Variants in ARHGEF17 observed in about 807,000 individuals in gnomAD.
ARHGEF17 encodes the protein 164 kDa Rho-specific guanine-nucleotide exchange factor.
Under a neutral mutation model 174.0 loss-of-function variants are expected in ARHGEF17, and 80 were observed. The observed-to-expected ratio is 0.46, with a 90% CI of 0.38 to 0.55. The LOEUF (loss-of-function observed/expected upper bound fraction) is 0.55, where lower values mean the gene tolerates loss of function less well. ARHGEF17 is among the 20% of genes least tolerant of loss of function. The pLI is 0.00. For missense variants in ARHGEF17, 2,886 were observed against 2,839.7 expected, an observed-to-expected ratio of 1.02 and a Z score of -0.37; for synonymous variants, 1,311 against 1,189.1, an observed-to-expected ratio of 1.10 and a Z score of -2.11.
rs1164278326 is a variant in ARHGEF17, at chr11:73,310,192, A to T, written c.1554A>T (p.Glu518Asp). The change falls in exon 1 of 21, where the codon GAA (glutamate) becomes GAT (aspartate). Residue 518 changes from glutamate (E) to aspartate (D), a missense_variant. By Grantham distance (45) the Glu-to-Asp change is conservative. Coordinates refer to ENST00000263674, the MANE Select transcript of ARHGEF17 (RefSeq NM_014786.4). The part of the protein sequence containing the change: ...PSAGGPVGQL[E>D]PIPIPAPASP... ...CAGGTGGCCCTGTGGGGCAACTTGAACCCATACCCATCCCAGCCCCAGCAT... is the reference window on the plus strand; with the variant it reads ...CAGGTGGCCCTGTGGGGCAACTTGATCCCATACCCATCCCAGCCCCAGCAT... 6.2e-7 allele frequency: 1 copy of T among 1,613,666 alleles called. No homozygotes were observed. The highest frequency in any genetic ancestry group is 1.3e-5 in the African/African-American group (1 of 74,880).
Position 73,367,966 on chromosome 11 carries a change from T to C in ARHGEF17, c.*186T>C. 1.6e-6 allele frequency: 1 copy of C among 620,944 alleles called. No individual in the cohort carries two copies. The highest frequency in any genetic ancestry group is 2.9e-5 in the East Asian group (1 of 34,672). The allele number at this position is 620,944 out of a possible 1,614,324, so 38.5% of individuals were successfully genotyped here. A position where few individuals can be genotyped will look rare whatever the true frequency, so the allele number is the denominator to read the frequency against. ...ACCCACTGGCCAGCCAGGCCATGGC[T>C]TCTCCCGACCCTCTGGCTGCCCCGG... On this transcript the variant is annotated 3_prime_UTR_variant, in exon 21 of 21. Transcript: ENST00000263674.
At chr11:73,315,564 G>T (rs1308262453) in intron 1 of ARHGEF17, among the ~76,000 whole-genome samples, 1 of 152,154 alleles carries the variant, frequency 6.6e-6, no homozygotes, top group Non-Finnish European at 1.5e-5. Context: ...AACTGGTTCT[G>T]GGGGGAAAGG....
At position 73,365,091 on chromosome 11, in the gene ARHGEF17, T is replaced by C. The variant is rs1041220657; in HGVS notation, c.5551-299T>C. 12 of 407,860 alleles carry C rather than the reference T, an allele frequency of 2.9e-5. No homozygotes were observed. Among genetic ancestry groups the C allele is most frequent in the African/African-American group, 2.0e-4 (10 of 49,540 alleles). The allele number at this position is 407,860 out of a possible 1,614,324, so 25.3% of individuals were successfully genotyped here. ...GACTTGCTGTGTGACCTTTCCCTTC[T>C]AGGCTTCAGCTTCCCCACCTGTCCA... On this transcript the variant is annotated intron_variant, in intron 18 of 20. Coordinates refer to ENST00000263674, the MANE Select transcript of ARHGEF17 (RefSeq NM_014786.4). This position sits in a 1 kb window ranked among gnomAD's most constrained non-coding sequence, Gnocchi z 4.9.
intron 9 of ARHGEF17, 74 bp downstream of exon 9, chr11:73,357,401 G>C (rs1865663689): frequency 7.2e-7 from 1 of 1,379,734 alleles, no homozygotes; most frequent in African/African-American, 1.4e-5. Context: ...CTGAGCTCCA[G>C]CCAGTCTGGC....
intron 1 of ARHGEF17, among the ~76,000 whole-genome samples, chr11:73,326,635 G>A (rs190325686): frequency 6.6e-6 from 1 of 152,128 alleles, no homozygotes; most frequent in Non-Finnish European, 1.5e-5. Flanking sequence ...CAGGAGAATC[G>A]CTTGAACCCA....
At chr11:73,362,337 G>A in intron 13 of ARHGEF17, 96 bp from the exon 14 acceptor site, 1 of 1,445,124 alleles carries the variant, frequency 6.9e-7, no homozygotes, top group Non-Finnish European at 9.1e-7. Context: ...GTTGTGGGCG[G>A]GGCCCGGCGA....
In ARHGEF17 at chr11:73,365,987, C is replaced by G; in HGVS notation, c.5995+40C>G. 6.3e-7 allele frequency: 1 copy of G among 1,577,970 alleles called. No homozygotes were observed. Among genetic ancestry groups the G allele is most frequent in the Non-Finnish European group, 8.6e-7 (1 of 1,164,412 alleles). ...CATACCCCAAGCTAGGGATCATGGA[C>G]ATTTGGTTTAGGACTCCCCACTATC... On this transcript the variant is annotated intron_variant, in intron 20 of 20. Transcript: ENST00000263674. The surrounding 1 kb of genome is among the most constrained non-coding windows in gnomAD (Gnocchi z 4.9).
In ARHGEF17 at chr11:73,360,103, G is replaced by A. The variant is rs571401085; in HGVS notation, c.4206+151G>A. On this transcript the variant is annotated intron_variant, in intron 10 of 20. Coordinates refer to ENST00000263674, the MANE Select transcript of ARHGEF17 (RefSeq NM_014786.4). ...AATCGCAGCCTCCCTGCGTATGGGG[G>A]AAGTAACATGTTCCAGGTCTGAGGG... 126 of 911,254 alleles carry A rather than the reference G, an allele frequency of 1.4e-4. 1 individual carries two copies. In the African/African-American group the frequency reaches 2.0e-3, roughly 14 times the overall value. The allele number at this position is 911,254 out of a possible 1,614,324, so 56.4% of individuals were successfully genotyped here.
chr11:73,360,003 A>G, intron 10 of ARHGEF17, 51 bp downstream of exon 10: 1 of 1,485,850 alleles, frequency 6.7e-7, no homozygotes, highest in Non-Finnish European at 9.1e-7. Context: ...GAGGCTTCTG[A>G]CCCTGTCTGA....
chr11:73,329,134 T>C (rs1008740936), intron 1 of ARHGEF17, among the ~76,000 whole-genome samples: 5 of 151,104 alleles, frequency 3.3e-5, no homozygotes, highest in Admixed American at 6.6e-5. Flanking sequence ...TGGCTGCCTA[T>C]TTCCTACCCT....
chr11:73,310,866 G>A lies in ARHGEF17; in HGVS notation c.2228G>A (p.Arg743Gln), dbSNP rs1007441387. The change falls in exon 1 of 21, where the codon CGG (arginine) becomes CAG (glutamine). Residue 743 changes from arginine (R) to glutamine (Q), a missense_variant. Arg to Gln is a conservative substitution (Grantham distance 43). This residue lies in a region of ARHGEF17 where 1,728 missense variants were observed against 1,461.2 expected (regional missense o/e 1.18). Transcript: ENST00000263674. ...AGTGACCCAATTCCTCAGCGCCACC[G>A]GGCTGCCACCTCTGAAGAGCCTACT... ...SLSDPIPQRH[R>Q]AATSEEPTGF... 2.5e-5 allele frequency: 40 copies of A among 1,612,138 alleles called. No homozygotes were observed. Among genetic ancestry groups the A allele is most frequent in the Non-Finnish European group, 3.2e-5 (38 of 1,179,168 alleles).
At chr11:73,333,586 G>C (rs559596285) in intron 1 of ARHGEF17, among the ~76,000 whole-genome samples, 29 of 152,368 alleles carry the variant, frequency 1.9e-4, no homozygotes, top group African/African-American at 4.8e-4. Context: ...GGTGTGATGG[G>C]AGGGGGCTTC....
chr11:73,357,116 G>C lies in ARHGEF17; in HGVS notation c.3983G>C (p.Arg1328Pro). The C allele has an allele frequency of 1.2e-6, 2 of 1,614,148 alleles. No homozygotes were observed. Among genetic ancestry groups the C allele is most frequent in the Non-Finnish European group, 8.5e-7 (1 of 1,180,022 alleles). Residue 1328 changes from arginine (R) to proline (P), a missense_variant, in exon 8 of 21, where the codon CGG becomes CCG. Arg to Pro is a moderately radical substitution (Grantham distance 103). Around this residue, in one of 4 missense-constraint regions of ARHGEF17, gnomAD observed 353 missense variants for 470.3 expected, o/e 0.75. Coordinates refer to ENST00000263674, the MANE Select transcript of ARHGEF17 (RefSeq NM_014786.4). ...CTGAAGCGAAAGTCAGGCTCCCTGC[G>C]GCGCAGCTCCATGAGCCTGTGAGTG... ...TTLKRKSGSL[R>P]RSSMSLYTAA...
In ARHGEF17 at chr11:73,309,027, G is replaced by A. The variant is rs1022568659; in HGVS notation, c.389G>A (p.Arg130His). ...RGAWPSVTEM[R>H]KLFGGPGSRR... ...GCCTGGCCCAGCGTCACCGAGATGC[G>A]CAAGCTCTTCGGCGGTCCTGGCTCC... The change falls in exon 1 of 21, where the codon CGC becomes CAC. Residue 130 changes from arginine to histidine, a missense_variant. Arg to His is a conservative substitution (Grantham distance 29, BLOSUM62 0). Around this residue, in one of 4 missense-constraint regions of ARHGEF17, gnomAD observed 1,728 missense variants for 1,461.2 expected, o/e 1.18. Coordinates refer to ENST00000263674, the MANE Select transcript of ARHGEF17 (RefSeq NM_014786.4). 4 of 1,427,524 alleles carry A rather than the reference G, an allele frequency of 2.8e-6. No individual in the cohort carries two copies. The highest frequency in any genetic ancestry group is 1.5e-5 in the African/African-American group (1 of 66,044). 88.4% of individuals were successfully genotyped at this position (1,427,524 alleles called of 1,614,324 possible). A position where few individuals can be genotyped will look rare whatever the true frequency, so the allele number is the denominator to read the frequency against.
At chr11:73,319,656 C>G (rs891602270) in intron 1 of ARHGEF17, among the ~76,000 whole-genome samples, 2 of 152,230 alleles carry the variant, frequency 1.3e-5, no homozygotes, top group Admixed American at 1.3e-4. Context: ...CTGCATTTAA[C>G]TTGCTATTTC....
At chr11:73,361,465 A>C (rs1019868772) in intron 12 of ARHGEF17, among the ~76,000 whole-genome samples, 5 of 152,146 alleles carry the variant, frequency 3.3e-5, no homozygotes, top group African/African-American at 1.2e-4. Context: ...TACCAGCATC[A>C]CATTTTTTCT....
At chr11:73,325,555 C>T (rs1028095149) in intron 1 of ARHGEF17, among the ~76,000 whole-genome samples, 1 of 152,194 alleles carries the variant, frequency 6.6e-6, no homozygotes, top group Admixed American at 6.5e-5. Flanking sequence ...CACACACTCT[C>T]TCTCTCTCTC....
chr11:73,355,777 T>A, intron 4 of ARHGEF17, 84 bp from the exon 5 acceptor site: 2 of 1,582,750 alleles, frequency 1.3e-6, no homozygotes, highest in Non-Finnish European at 1.7e-6. Context: ...CAGGCTGAGC[T>A]GGAGAGGCTT....
chr11:73,335,227 G>A (rs1272184137), intron 1 of ARHGEF17, among the ~76,000 whole-genome samples: 3 of 152,114 alleles, frequency 2.0e-5, no homozygotes, highest in Admixed American at 6.5e-5. Context: ...GGTCCTTCTC[G>A]ACTGCCAAGG....
Sources: allele counts gnomAD v4.1 joint callset (sites outside exome capture counted in the v4.1 genomes callset), GRCh38; gene constraint gnomAD v4.1.1; regional missense constraint gnomAD v4.1.1; non-coding constraint Gnocchi (gnomAD v3.1); transcripts MANE v1.5; gene names NCBI Gene and HGNC (gene_info 2026-07-23, HGNC 2026-07-21).